Variants in GRIK4 observed in about 807,000 individuals in gnomAD.
GRIK4 encodes glutamate ionotropic receptor kainate type subunit 4.
A neutral mutation model predicts 104.9 loss-of-function variants in GRIK4; 40 were observed. The ratio of observed to expected loss-of-function variants is 0.38; its 90% CI spans 0.30 to 0.50. The LOEUF (loss-of-function observed/expected upper bound fraction) is 0.50, where lower values mean the gene tolerates loss of function less well. GRIK4 is among the 20% of genes least tolerant of loss of function. GRIK4 has a pLI of 0.93. For missense variants in GRIK4, 1,047 were observed against 1,308.1 expected (o/e 0.80, Z 3.08); for synonymous variants, 485 against 524.9 (o/e 0.92, Z 1.04).
At chr11:120,515,703 C>G (rs1303731730) in intron 1 of GRIK4, among the ~76,000 whole-genome samples, 1 of 152,184 alleles carries the variant, frequency 6.6e-6, no homozygotes, top group Non-Finnish European at 1.5e-5. Context: ...AATCGGCCCT[C>G]TTCATAGTAA....
At chr11:120,878,856 C>G (rs553995417) in intron 11 of GRIK4, among the ~76,000 whole-genome samples, 3 of 152,312 alleles carry the variant, frequency 2.0e-5, no homozygotes, top group African/African-American at 7.2e-5. Context: ...TTGGGCCTCT[C>G]TTCCAGGTGG....
At chr11:120,845,730 A>G (rs576690681) in intron 8 of GRIK4, among the ~76,000 whole-genome samples, 1 of 152,300 alleles carries the variant, frequency 6.6e-6, no homozygotes, top group African/African-American at 2.4e-5. Flanking sequence ...TGCCAGAGCA[A>G]TTGATTCCAA....
At chr11:120,963,563 G>T (rs4562840) in intron 18 of GRIK4, among the ~76,000 whole-genome samples, 1 of 152,204 alleles carries the variant, frequency 6.6e-6, no homozygotes, top group South Asian at 2.1e-4. Context: ...TCTTGTACAA[G>T]GCAACAGGGG....
At chr11:120,587,200 G>A (rs11603180) in intron 1 of GRIK4, among the ~76,000 whole-genome samples, 42,607 of 152,054 alleles carry the variant, frequency 0.28, 7,772 homozygotes, top group Non-Finnish European at 0.41. Context: ...ATAAAGCCAG[G>A]CAGAGATGAT....
intron 3 of GRIK4, among the ~76,000 whole-genome samples, chr11:120,674,430 C>T (rs1465371192): frequency 6.6e-6 from 1 of 152,224 alleles, no homozygotes; most frequent in Admixed American, 6.5e-5. Flanking sequence ...CCTGGCTCTT[C>T]ATAGGTTGGG....
At chr11:120,818,830 C>T (rs1196505400) in intron 5 of GRIK4, among the ~76,000 whole-genome samples, 1 of 152,190 alleles carries the variant, frequency 6.6e-6, no homozygotes, top group Non-Finnish European at 1.5e-5. Context: ...TATCGATCTT[C>T]CTTGCTTTAA....
chr11:120,730,889 C>A (rs1371340325), intron 3 of GRIK4, among the ~76,000 whole-genome samples: 1 of 152,118 alleles, frequency 6.6e-6, no homozygotes, highest in Admixed American at 6.5e-5. Flanking sequence ...TATAGAAATA[C>A]TACTGATTTT....
Position 120,624,940 on chromosome 11 carries a change from G to C in GRIK4, c.-158-28745G>C, listed in dbSNP as rs75750634. On this transcript the variant is annotated intron_variant, in intron 1 of 20. Coordinates refer to ENST00000527524, the MANE Select transcript of GRIK4 (RefSeq NM_014619.5). Reference sequence around the variant, plus strand: ...AGAGAAGATGAAACGCACCTGGTATGAAAATTATAGACTAGCAATCATGCG... The same window carrying C: ...AGAGAAGATGAAACGCACCTGGTATCAAAATTATAGACTAGCAATCATGCG... Among the ~76,000 whole-genome samples the C allele has an allele frequency of 2.1e-3, 327 of 152,306 alleles. 4 individuals are homozygous for C. In the South Asian group the frequency reaches 0.029, roughly 13 times the overall value.
intron 3 of GRIK4, among the ~76,000 whole-genome samples, chr11:120,795,749 G>T (rs1952497726): frequency 6.6e-6 from 1 of 152,216 alleles, no homozygotes; most frequent in African/African-American, 2.4e-5. Flanking sequence ...TCAAAGGAAA[G>T]AGGGATTACT....
chr11:120,654,922 C>G (rs1437489731), intron 2 of GRIK4, among the ~76,000 whole-genome samples: 1 of 152,120 alleles, frequency 6.6e-6, no homozygotes, highest in African/African-American at 2.4e-5. Flanking sequence ...GTTTCCCTCC[C>G]CTTCTCGGCA....
At chr11:120,570,199 G>A (rs1165351457) in intron 1 of GRIK4, among the ~76,000 whole-genome samples, 1 of 152,218 alleles carries the variant, frequency 6.6e-6, no homozygotes, top group Non-Finnish European at 1.5e-5. Context: ...AACCACAGAG[G>A]ATCAGGGGTT....
At chr11:120,686,312 C>T (rs550044527) in intron 3 of GRIK4, among the ~76,000 whole-genome samples, 29 of 152,280 alleles carry the variant, frequency 1.9e-4, no homozygotes, top group Non-Finnish European at 3.7e-4. Flanking sequence ...CTGCCTCAAC[C>T]GTGAAGTCTA....
At chr11:120,835,373 C>A (rs1953547029) in intron 7 of GRIK4, among the ~76,000 whole-genome samples, 1 of 152,148 alleles carries the variant, frequency 6.6e-6, no homozygotes, top group African/African-American at 2.4e-5. Context: ...ACTAAAAATA[C>A]AAAAATTAGC....
chr11:120,817,734 C>A (rs1831808422), intron 5 of GRIK4, among the ~76,000 whole-genome samples: 1 of 152,216 alleles, frequency 6.6e-6, no homozygotes, highest in African/African-American at 2.4e-5. Context: ...GCTGGGCTAT[C>A]CCTGCCTAGA....
intron 20 of GRIK4, among the ~76,000 whole-genome samples, chr11:120,984,012 T>C (rs1028970201): frequency 1.3e-5 from 2 of 152,130 alleles, no homozygotes; most frequent in African/African-American, 4.8e-5. Flanking sequence ...GGGGGTGTGA[T>C]GGGGGCCTAT....
At chr11:120,914,197 C>G (rs529895963) in intron 13 of GRIK4, among the ~76,000 whole-genome samples, 35 of 152,308 alleles carry the variant, frequency 2.3e-4, no homozygotes, top group Non-Finnish European at 8.8e-5. Context: ...GTAAGGAGTT[C>G]AGGATCTACT....
At chr11:120,895,328 A>G (rs765872466) in intron 11 of GRIK4, among the ~76,000 whole-genome samples, 2 of 152,124 alleles carry the variant, frequency 1.3e-5, no homozygotes, top group Non-Finnish European at 2.9e-5. Context: ...GTCCTGTTCC[A>G]TACATCCCAG....
chr11:120,769,292 T>C (rs1178298414), intron 3 of GRIK4, among the ~76,000 whole-genome samples: 1 of 152,172 alleles, frequency 6.6e-6, no homozygotes, highest in African/African-American at 2.4e-5. Context: ...AATTTTTTCA[T>C]TTCCTCTCGG....
intron 1 of GRIK4, among the ~76,000 whole-genome samples, chr11:120,550,357 T>C: frequency 5.5e-5 from 1 of 18,028 alleles, no homozygotes; most frequent in South Asian, 1.6e-3. Flanking sequence ...GTGGGGTGAG[T>C]TGGGGGGTGG....
Sources: allele counts gnomAD v4.1 joint callset (sites outside exome capture counted in the v4.1 genomes callset), GRCh38; gene constraint gnomAD v4.1.1; transcripts MANE v1.5; gene names NCBI Gene and HGNC (gene_info 2026-07-23, HGNC 2026-07-21).